TANGO6: variants seen among roughly 807,000 people sequenced by gnomAD.
TANGO6 encodes the protein transport and golgi organization 6 homolog.
In TANGO6, 90 loss-of-function variants were observed where a neutral mutation model predicts 114.2. That is an observed-to-expected ratio of 0.79 (90% CI 0.66 to 0.94). The LOEUF (loss-of-function observed/expected upper bound fraction) is 0.94, where lower values mean the gene tolerates loss of function less well. Among genes scored for constraint, TANGO6 ranks in the 40% least tolerant of loss-of-function variants. The pLI, the probability that TANGO6 is intolerant of heterozygous loss-of-function variation, is 0.00. For synonymous variants in TANGO6, 477 were observed against 509.8 expected (o/e 0.94, Z 0.87); for missense variants, 1,274 against 1,315.3 (o/e 0.97, Z 0.49).
At chr16:69,067,424 C>A (rs895765711) in intron 17 of TANGO6, among the ~76,000 whole-genome samples, 3 of 149,240 alleles carry the variant, frequency 2.0e-5, no homozygotes, top group Non-Finnish European at 4.4e-5. Flanking sequence ...GCAGGAGAAT[C>A]GCTTGAACCT....
At chr16:69,063,709 G>A (rs1371920055) in intron 17 of TANGO6, among the ~76,000 whole-genome samples, 2 of 147,450 alleles carry the variant, frequency 1.4e-5, no homozygotes, top group Non-Finnish European at 3.0e-5. Flanking sequence ...TAGTGAGGAT[G>A]GAGAATCATT....
At chr16:68,957,475 G>A (rs768803553) in intron 14 of TANGO6, among the ~76,000 whole-genome samples, 1 of 148,194 alleles carries the variant, frequency 6.7e-6, no homozygotes, top group Non-Finnish European at 1.5e-5. Flanking sequence ...TTGGCTCACC[G>A]CAGCCTCCAC....
chr16:68,879,207 G>A (rs990893150), intron 6 of TANGO6, among the ~76,000 whole-genome samples: 3 of 151,964 alleles, frequency 2.0e-5, no homozygotes, highest in Admixed American at 6.6e-5. Flanking sequence ...CTGGGCTCAA[G>A]CGATCTTCCT....
chr16:68,905,965 G>A (rs535275031), intron 9 of TANGO6, among the ~76,000 whole-genome samples: 1 of 152,246 alleles, frequency 6.6e-6, no homozygotes, highest in East Asian at 1.9e-4. Flanking sequence ...CAGATCACGA[G>A]GTCAGAAGTT....
intron 3 of TANGO6, among the ~76,000 whole-genome samples, chr16:68,864,067 G>C (rs192623596): frequency 2.6e-5 from 4 of 151,998 alleles, no homozygotes; most frequent in Admixed American, 2.6e-4. Context: ...CCAGCTACTC[G>C]GGAGGCTGAG....
chr16:69,028,856 CAAAAAAAA>C (rs397761274), intron 16 of TANGO6, among the ~76,000 whole-genome samples: 7 of 65,570 alleles, frequency 1.1e-4, no homozygotes, highest in South Asian at 1.3e-3. Context: ...CCCAGTTTAA[CAAAAAAAA>C]AAAAAAAAAA....
At chr16:69,062,662 A>G (rs1480635685) in intron 17 of TANGO6, among the ~76,000 whole-genome samples, 1 of 151,176 alleles carries the variant, frequency 6.6e-6, no homozygotes, top group African/African-American at 2.4e-5. Flanking sequence ...TAGTAGTGAC[A>G]GGGTTTCACC....
At chr16:68,969,049 A>C (rs566166502) in intron 14 of TANGO6, among the ~76,000 whole-genome samples, 1 of 152,036 alleles carries the variant, frequency 6.6e-6, no homozygotes, top group African/African-American at 2.4e-5. Context: ...GCGTCTGTGA[A>C]CTCTTCCCAG....
intron 16 of TANGO6, chr16:69,033,635 T>C (rs32853): frequency 0.35 from 52,641 of 152,148 alleles, 10,722 homozygotes; most frequent in East Asian, 0.52. Flanking sequence ...AACAGCTTCC[T>C]TTCTGAGAAA....
At chr16:69,024,397 T>G (rs998459930) in intron 16 of TANGO6, among the ~76,000 whole-genome samples, 2 of 151,714 alleles carry the variant, frequency 1.3e-5, no homozygotes, top group African/African-American at 4.8e-5. Context: ...GCCTCCCGAG[T>G]AGCTGGGATT....
At chr16:69,008,849 A>G (rs554266116) in intron 15 of TANGO6, among the ~76,000 whole-genome samples, 8 of 151,710 alleles carry the variant, frequency 5.3e-5, no homozygotes, top group Non-Finnish European at 1.0e-4. Flanking sequence ...TGCCATGTTG[A>G]TAAGGCTGGT....
chr16:69,028,077 A>G (rs897966970), intron 16 of TANGO6, among the ~76,000 whole-genome samples: 2 of 152,048 alleles, frequency 1.3e-5, no homozygotes, highest in African/African-American at 4.8e-5. Flanking sequence ...CTCCTGCCTC[A>G]GCCTCCCCAG....
intron 16 of TANGO6, among the ~76,000 whole-genome samples, chr16:69,027,434 CT>C (rs904556763): frequency 1.6e-4 from 24 of 148,130 alleles, no homozygotes; most frequent in African/African-American, 1.7e-4. Context: ...TTTGTATCTT[CT>C]TTTTTTTTTA....
rs375448498 is a variant in TANGO6, at chr16:68,879,760, G to C, written c.1295-788G>C. Among the ~76,000 whole-genome samples the C allele has an allele frequency of 6.7e-4, 101 of 150,836 alleles. No homozygotes were observed. The South Asian group carries it at 0.02, about 30-fold the overall frequency. On this transcript the variant is annotated intron_variant, in intron 6 of 17. Coordinates refer to ENST00000261778, the MANE Select transcript of TANGO6 (RefSeq NM_024562.2). ...GCCTCCTGAGTAGCTGGGATTACAG[G>C]TGCCCGTCACCACGCCCAGCTAATT...
chr16:68,979,689 C>G (rs1233874329), intron 15 of TANGO6, among the ~76,000 whole-genome samples: 1 of 151,862 alleles, frequency 6.6e-6, no homozygotes, highest in Non-Finnish European at 1.5e-5. Context: ...GGAATGCTAT[C>G]TTGTTTTTAT....
intron 15 of TANGO6, among the ~76,000 whole-genome samples, chr16:68,976,765 G>A (rs932555651): frequency 6.6e-6 from 1 of 152,184 alleles, no homozygotes; most frequent in Non-Finnish European, 1.5e-5. Context: ...TTAGGGCTGT[G>A]TTCTTGTCAT....
intron 17 of TANGO6, among the ~76,000 whole-genome samples, chr16:69,066,109 G>A (rs1372725023): frequency 6.6e-6 from 1 of 151,996 alleles, no homozygotes; most frequent in Non-Finnish European, 1.5e-5. Context: ...TCTGACCTGC[G>A]CTGGCCTGAT....
At chr16:68,940,490 T>A (rs1963341584) in intron 14 of TANGO6, among the ~76,000 whole-genome samples, 1 of 152,136 alleles carries the variant, frequency 6.6e-6, no homozygotes, top group South Asian at 2.1e-4. Flanking sequence ...GGAGTCTTGT[T>A]TTGACATCTT....
chr16:68,998,131 C>G (rs2152220179), intron 15 of TANGO6, among the ~76,000 whole-genome samples: 1 of 152,234 alleles, frequency 6.6e-6, no homozygotes, highest in Non-Finnish European at 1.5e-5. Flanking sequence ...GTGAAATTAT[C>G]TCAAGTAAAC....
Sources: allele counts gnomAD v4.1 joint callset (sites outside exome capture counted in the v4.1 genomes callset), GRCh38; gene constraint gnomAD v4.1.1; transcripts MANE v1.5; gene names NCBI Gene and HGNC (gene_info 2026-07-23, HGNC 2026-07-21).